Variants in SEMA4F observed in about 807,000 individuals in gnomAD.
SEMA4F encodes the protein ssemaphorin 4F.
In SEMA4F, 51 loss-of-function variants were observed where a neutral mutation model predicts 78.4. The observed-to-expected ratio is 0.65, with a 90% CI of 0.52 to 0.82. The LOEUF (loss-of-function observed/expected upper bound fraction) is 0.82, where lower values mean the gene tolerates loss of function less well. Ranked by LOEUF, SEMA4F falls within the 40% of genes least tolerant of loss-of-function variation. The probability of loss-of-function intolerance (pLI) is 0.00; values close to 1 mark genes in which losing one functional copy is unlikely to be tolerated. For synonymous variants in SEMA4F, 418 were observed against 408.7 expected, an observed-to-expected ratio of 1.02 and a Z score of -0.27; for missense variants, 938 against 1,014.4, an observed-to-expected ratio of 0.92 and a Z score of 1.02.
intron 5 of SEMA4F, among the ~76,000 whole-genome samples, chr2:74,670,647 T>C: frequency 6.6e-6 from 1 of 152,256 alleles, no homozygotes; most frequent in East Asian, 1.9e-4. Context: ...TTACCACATC[T>C]CCTATTCTTA....
At position 74,681,715 on chromosome 2, in the gene SEMA4F, C is replaced by T. The variant is rs1302870722; in HGVS notation, c.*1506C>T. ...TTCCTGCTTGACCACTCGCACATGG[C>T]TCTAGGCTTCTCCTGCTGAGTCCTG... On this transcript the variant is annotated 3_prime_UTR_variant, in exon 14 of 14. Transcript: ENST00000357877. 3 of 153,054 alleles carry T rather than the reference C, an allele frequency of 2.0e-5. No individual in the cohort carries two copies. Among genetic ancestry groups the T allele is most frequent in the Non-Finnish European group, 4.4e-5 (3 of 68,182 alleles). The allele number at this position is 153,054 out of a possible 1,614,324, so 9.5% of individuals were successfully genotyped here.
intron 7 of SEMA4F, 57 bp from the exon 8 acceptor site, chr2:74,674,441 G>T (rs897789554): frequency 8.6e-6 from 13 of 1,516,254 alleles, no homozygotes; most frequent in South Asian, 1.2e-5. Flanking sequence ...TGGTCTCCAT[G>T]CTCCTTGCCC....
At chr2:74,701,629 A>G in the SEMA4F span, among the ~76,000 whole-genome samples, 1 of 152,164 alleles carries the variant, frequency 6.6e-6, no homozygotes, top group East Asian at 1.9e-4. Context: ...TGTAGCCTCT[A>G]TCTTCACAGC....
At chr2:74,668,067 G>A (rs184128873) in intron 5 of SEMA4F, among the ~76,000 whole-genome samples, 16 of 152,194 alleles carry the variant, frequency 1.1e-4, no homozygotes, top group Non-Finnish European at 1.9e-4. Context: ...TCCCTCCTCC[G>A]AGTGTATAGT....
chr2:74,676,236 A>G (rs2105006393), intron 12 of SEMA4F, among the ~76,000 whole-genome samples: 1 of 152,308 alleles, frequency 6.6e-6, no homozygotes. Context: ...TTTCCTTGAA[A>G]TACTTTCCTC....
downstream of SEMA4F, among the ~76,000 whole-genome samples, chr2:74,684,623 T>C (rs1368068764): frequency 6.6e-6 from 1 of 152,164 alleles, no homozygotes; most frequent in African/African-American, 2.4e-5. Context: ...GGAGAAGGGC[T>C]ATGATAGCCT....
chr2:74,665,396 AT>A (rs1684640496), intron 5 of SEMA4F, among the ~76,000 whole-genome samples: 1 of 151,478 alleles, frequency 6.6e-6, no homozygotes, highest in South Asian at 2.1e-4. Context: ...TGCCCGGCTA[AT>A]TTTTTGTATT....
chr2:74,656,180 T>C (rs1468752307), intron 1 of SEMA4F, among the ~76,000 whole-genome samples: 2 of 151,974 alleles, frequency 1.3e-5, no homozygotes, highest in East Asian at 3.9e-4. Flanking sequence ...GGCTAATTTT[T>C]TGTATTTTTA....
At chr2:74,708,273 T>A in the SEMA4F span, among the ~76,000 whole-genome samples, 2 of 152,124 alleles carry the variant, frequency 1.3e-5, no homozygotes, top group African/African-American at 4.8e-5. Flanking sequence ...ATGTCTAGTA[T>A]CTAAGCAAAA....
At chr2:74,657,502 C>A in intron 2 of SEMA4F, 63 bp from the exon 3 acceptor site, 1 of 1,508,780 alleles carries the variant, frequency 6.6e-7, no homozygotes, top group South Asian at 1.1e-5. Flanking sequence ...TTAATCTCCT[C>A]TAACATCGAG....
chr2:74,679,636 T>C lies in SEMA4F; in HGVS notation c.1740T>C (p.Ala580=). ...PVVFEVPVAT[A]AHVVLPCSPS... ...TGTTTGAAGTTCCCGTGGCTACAGC[T>C]GCGCATGTGGTCTTGCCATGTTCTC... is the stretch of plus-strand genomic sequence containing the variant. Residue 580 remains alanine, a synonymous_variant, in exon 14 of 14, where the codon GCT becomes GCC. Transcript: ENST00000357877. 3 of 1,609,610 alleles carry C rather than the reference T, an allele frequency of 1.9e-6. No individual in the cohort carries two copies. The highest frequency in any genetic ancestry group is 2.5e-6 in the Non-Finnish European group (3 of 1,177,304).
chr2:74,655,286 A>C, intron 1 of SEMA4F: 1 of 406,054 alleles, frequency 2.5e-6, no homozygotes, highest in South Asian at 1.9e-5. Context: ...GGAAAAATAG[A>C]GGAGGGGGAT....
At chr2:74,672,653 C>T (rs959304187) in intron 5 of SEMA4F, among the ~76,000 whole-genome samples, 3 of 152,150 alleles carry the variant, frequency 2.0e-5, no homozygotes, top group Non-Finnish European at 2.9e-5. Flanking sequence ...TCCCATTCAA[C>T]CCACAGAGCT....
At chr2:74,687,717 C>G (rs1448647413), downstream of SEMA4F, among the ~76,000 whole-genome samples, 1 of 152,178 alleles carries the variant, frequency 6.6e-6, no homozygotes, top group African/African-American at 2.4e-5. Flanking sequence ...CCCTGGGATC[C>G]TCTGCTCATA....
rs1684282915 is a variant in SEMA4F at position 74,658,731 on chromosome 2, C to T, written c.456+780C>T. ...GTAGTCAGCACTGGTCTTTTGGCAG[C>T]TCACATTTGTGACAAGCCCCTGGCG... On this transcript the variant is annotated intron_variant, in intron 4 of 13. Coordinates refer to ENST00000357877, the MANE Select transcript of SEMA4F (RefSeq NM_004263.5). This position sits in a 1 kb window ranked among gnomAD's most constrained non-coding sequence, Gnocchi z 4.3. Among the ~76,000 whole-genome samples, 1 of 152,242 alleles carries T rather than the reference C, an allele frequency of 6.6e-6. No homozygotes were observed. The highest frequency in any genetic ancestry group is 2.1e-4 in the South Asian group (1 of 4,830).
In SEMA4F at chr2:74,657,552, TCTC is replaced by T. The variant is rs1684218426; in HGVS notation, c.298-10_298-8del. Reference sequence around the variant, plus strand: ...GGGGAATCTGGGTGAAATGATCACTTCTCCTTTCTCAGATTGACTGGATGGTTC... The same window carrying T: ...GGGGAATCTGGGTGAAATGATCACTTCTTTCTCAGATTGACTGGATGGTTC... On this transcript the variant is annotated splice_polypyrimidine_tract_variant and intron_variant, in intron 2 of 13. Transcript: ENST00000357877. 2 of 1,613,462 alleles carry T rather than the reference TCTC, an allele frequency of 1.2e-6. No homozygotes were observed. Among genetic ancestry groups the T allele is most frequent in the South Asian group, 2.2e-5 (2 of 91,066 alleles).
the SEMA4F span, among the ~76,000 whole-genome samples, chr2:74,707,246 T>C: frequency 6.6e-6 from 1 of 152,192 alleles, no homozygotes; most frequent in African/African-American, 2.4e-5. Context: ...AAAAGATCCT[T>C]GTTCTTAAAA....
chr2:74,676,844 A>G (rs142253099), intron 12 of SEMA4F, among the ~76,000 whole-genome samples: 1 of 152,286 alleles, frequency 6.6e-6, no homozygotes, highest in South Asian at 2.1e-4. Context: ...CTGACATTAT[A>G]TCATATTCAT....
chr2:74,662,329 C>A (rs919551427), intron 4 of SEMA4F, among the ~76,000 whole-genome samples: 1 of 152,142 alleles, frequency 6.6e-6, no homozygotes, highest in Non-Finnish European at 1.5e-5. Context: ...CCTCAGGAGG[C>A]CTGCTTTCTT....
Sources: allele counts gnomAD v4.1 joint callset (sites outside exome capture counted in the v4.1 genomes callset), GRCh38; gene constraint gnomAD v4.1.1; non-coding constraint Gnocchi (gnomAD v3.1); transcripts MANE v1.5; gene names NCBI Gene and HGNC (gene_info 2026-07-23, HGNC 2026-07-21).